The following TRIM69 variants were observed in gnomAD, a reference collection of about 807,000 sequenced individuals.
The protein encoded by TRIM69 is E3 ubiquitin-protein ligase TRIM69.
In TRIM69, 29 loss-of-function variants were observed where a neutral mutation model predicts 37.7. The ratio of observed to expected loss-of-function variants is 0.77; its 90% CI spans 0.57 to 1.05. The LOEUF (loss-of-function observed/expected upper bound fraction) is 1.05, where lower values mean the gene tolerates loss of function less well. Ranked by LOEUF, TRIM69 falls within the 50% of genes least tolerant of loss-of-function variation. The pLI is 0.00. For missense variants in TRIM69, 596 were observed against 579.9 expected (o/e 1.03, Z -0.28); for synonymous variants, 209 against 212.4 (o/e 0.98, Z 0.14).
chr15:44,754,059 T>C (rs1238060423), intron 1 of TRIM69: 1 of 151,746 alleles, frequency 6.6e-6, no homozygotes, highest in Non-Finnish European at 1.5e-5. Flanking sequence ...CTTTCTGAAA[T>C]TCTTATTATG....
intron 6 of TRIM69, among the ~76,000 whole-genome samples, chr15:44,766,388 C>T (rs2087888075): frequency 6.6e-6 from 1 of 152,108 alleles, no homozygotes; most frequent in Admixed American, 6.5e-5. Context: ...CAAAATAAAC[C>T]TCTCACTATT....
chr15:44,739,213 T>C (rs139319621), intron 1 of TRIM69, among the ~76,000 whole-genome samples: 2,796 of 152,290 alleles, frequency 0.018, 84 homozygotes, highest in African/African-American at 0.062. Flanking sequence ...CCGCTATATA[T>C]TTTAAACATA....
Position 44,758,760 on chromosome 15 carries a change from T to G in TRIM69, c.719T>G (p.Leu240Arg). ...TTGAATGAGGAGATGGAGTTGAATC[T>G]GAGCCAGCTTCAGGAGCAATGTCTC... ...KALNEEMELN[L>R]SQLQEQCLLA... The change falls in exon 4 of 7, where the codon CTG (leucine) becomes CGG (arginine). Residue 240 changes from leucine (L) to arginine (R), a missense_variant. Leu to Arg is a moderately radical substitution (Grantham distance 102). Transcript: ENST00000329464. 6.2e-7 allele frequency: 1 copy of G among 1,614,202 alleles called. No individual in the cohort carries two copies. The highest frequency in any genetic ancestry group is 8.5e-7 in the Non-Finnish European group (1 of 1,180,024).
At chr15:44,741,084 A>G (rs1431689163) in intron 1 of TRIM69, among the ~76,000 whole-genome samples, 6 of 150,776 alleles carry the variant, frequency 4.0e-5, no homozygotes, top group African/African-American at 1.5e-4. Context: ...CTCCTCAGCA[A>G]ATGTAAAAGA....
intron 1 of TRIM69, among the ~76,000 whole-genome samples, chr15:44,738,423 T>C (rs1257008569): frequency 6.6e-6 from 1 of 152,134 alleles, no homozygotes; most frequent in East Asian, 1.9e-4. Context: ...TTTATAAGGA[T>C]GAATATCAAT....
intron 1 of TRIM69, among the ~76,000 whole-genome samples, chr15:44,743,404 G>T (rs1198219157): frequency 6.6e-6 from 1 of 152,182 alleles, no homozygotes; most frequent in Non-Finnish European, 1.5e-5. Context: ...ATAGGCATGG[G>T]CAAGGACTTC....
At chr15:44,759,547 T>C (rs1454498395) in intron 4 of TRIM69, 93 bp from the exon 5 acceptor site, 4 of 1,323,868 alleles carry the variant, frequency 3.0e-6, no homozygotes, top group African/African-American at 2.9e-5. Flanking sequence ...TTCGGGACCA[T>C]CTGCACAAAT....
intron 6 of TRIM69, among the ~76,000 whole-genome samples, chr15:44,760,868 A>C (rs945215015): frequency 2.6e-5 from 4 of 151,886 alleles, no homozygotes; most frequent in Non-Finnish European, 5.9e-5. Flanking sequence ...TGTCTAAGTG[A>C]TAGCATACAT....
chr15:44,755,151 G>C lies in TRIM69; in HGVS notation c.258G>C (p.Gln86His). Residue 86 changes from glutamine (Q) to histidine (H), a missense_variant, in exon 2 of 7, where the codon CAG (glutamine) becomes CAC (histidine). Physicochemically the swap from Gln to His is conservative, Grantham distance 24 (BLOSUM62 0). Coordinates refer to ENST00000329464, the MANE Select transcript of TRIM69 (RefSeq NM_182985.5). ...GTCCTGAGTGTAAGATGCTATGTCA[G>C]TATAACAACTGTACATTCAACCCTG... is the stretch of plus-strand genomic sequence containing the variant. The part of the protein sequence containing the change: ...TFCPECKMLC[Q>H]YNNCTFNPVL... 6.2e-7 allele frequency: 1 copy of C among 1,614,202 alleles called. No homozygotes were observed. Among genetic ancestry groups the C allele is most frequent in the Non-Finnish European group, 8.5e-7 (1 of 1,180,038 alleles).
chr15:44,755,361 T>C lies in TRIM69; in HGVS notation c.468T>C (p.Ala156=), dbSNP rs2087623666. Residue 156 remains alanine (A), a synonymous_variant, in exon 2 of 7, where the codon GCT becomes GCC. Transcript: ENST00000329464. ...AGGAGTTCCTGCAAATCTCTGATGC[T>C]GTCCATTTCTTCACGGTGGGTGAGC... ...QSKEFLQISD[A]VHFFTEELAI... 1.2e-6 allele frequency: 2 copies of C among 1,613,138 alleles called. No homozygotes were observed. Among genetic ancestry groups the C allele is most frequent in the Non-Finnish European group, 1.7e-6 (2 of 1,179,734 alleles).
At chr15:44,741,614 A>C (rs1331628437) in intron 1 of TRIM69, among the ~76,000 whole-genome samples, 1 of 152,244 alleles carries the variant, frequency 6.6e-6, no homozygotes, top group African/African-American at 2.4e-5. Flanking sequence ...AATAGAAGCA[A>C]TAAAGAATGA....
At chr15:44,742,066 C>T (rs2087300352) in intron 1 of TRIM69, among the ~76,000 whole-genome samples, 1 of 151,930 alleles carries the variant, frequency 6.6e-6, no homozygotes, top group Admixed American at 6.6e-5. Flanking sequence ...CAAAAATCCT[C>T]AATAAAATAC....
chr15:44,767,424 AAAG>A lies in TRIM69; in HGVS notation c.1160_1162del (p.Lys387del), dbSNP rs776545743. The A allele has an allele frequency of 8.7e-6, 14 of 1,614,062 alleles. No individual in the cohort carries two copies. Among genetic ancestry groups the A allele is most frequent in the Non-Finnish European group, 1.2e-5 (14 of 1,180,032 alleles). On this transcript the variant is annotated inframe_deletion, in exon 7 of 7. Coordinates refer to ENST00000329464, the MANE Select transcript of TRIM69 (RefSeq NM_182985.5). ...AGTGGTACTGGGAAGTAGAAGTAGC[AAAG>A]AAGACAAAATGGACAGTTGGAGTTG...
chr15:44,755,154 T>C lies in TRIM69; in HGVS notation c.261T>C (p.Tyr87=). ...CTGAGTGTAAGATGCTATGTCAGTA[T>C]AACAACTGTACATTCAACCCTGTAC... ...FCPECKMLCQ[Y]NNCTFNPVLD... The change falls in exon 2 of 7, where the codon TAT becomes TAC. Residue 87 remains tyrosine, a synonymous_variant. Coordinates refer to ENST00000329464, the MANE Select transcript of TRIM69 (RefSeq NM_182985.5). 6.2e-7 allele frequency: 1 copy of C among 1,614,230 alleles called. No homozygotes were observed. The highest frequency in any genetic ancestry group is 8.5e-7 in the Non-Finnish European group (1 of 1,180,050).
Position 44,755,354 on chromosome 15 carries a change from C to T in TRIM69, c.461C>T (p.Ser154Phe). The stretch of plus-strand genomic sequence containing the variant: ...CAGTCTAAGGAGTTCCTGCAAATCT[C>T]TGATGCTGTCCATTTCTTCACGGTG... ...VGQSKEFLQI[S>F]DAVHFFTEEL... The change falls in exon 2 of 7, where the codon TCT becomes TTT. Residue 154 changes from serine (S) to phenylalanine (F), a missense_variant. Transcript: ENST00000329464. The T allele has an allele frequency of 1.2e-6, 2 of 1,613,386 alleles. No homozygotes were observed. Among genetic ancestry groups the T allele is most frequent in the Non-Finnish European group, 1.7e-6 (2 of 1,179,862 alleles).
chr15:44,749,048 T>C (rs749052640), intron 1 of TRIM69, among the ~76,000 whole-genome samples: 104 of 151,644 alleles, frequency 6.9e-4, no homozygotes, highest in Admixed American at 1.2e-3. Context: ...ACCCAGTTTT[T>C]GTTTTTGTTT....
intron 3 of TRIM69, chr15:44,757,364 G>T (rs2087673212): frequency 6.6e-6 from 1 of 152,152 alleles, no homozygotes; most frequent in Non-Finnish European, 1.5e-5. Context: ...GCATATAAAT[G>T]GAGAACATAA....
At chr15:44,758,458 C>T in intron 3 of TRIM69, 163 bp from the exon 4 acceptor site, 2 of 1,078,682 alleles carry the variant, frequency 1.9e-6, no homozygotes, top group Non-Finnish European at 2.6e-6. Context: ...GTAAGTCTCC[C>T]AAAGGACTCA....
intron 6 of TRIM69, among the ~76,000 whole-genome samples, chr15:44,765,558 C>G (rs1223596566): frequency 6.6e-6 from 1 of 152,112 alleles, no homozygotes; most frequent in African/African-American, 2.4e-5. Context: ...CATGACTAGC[C>G]TGGCCAACAT....
Sources: gnomAD v4.1 joint callset for allele counts (sites outside exome capture counted in the v4.1 genomes callset) on GRCh38, gnomAD v4.1.1 for gene constraint, MANE v1.5 for transcripts, NCBI Gene and HGNC (gene_info 2026-07-23, HGNC 2026-07-21) for gene names.